C12orf54: variants seen among roughly 807,000 people sequenced by gnomAD.
The protein encoded by C12orf54 is uncharacterized protein C12orf54.
Under a neutral mutation model 26.4 loss-of-function variants are expected in C12orf54, and 24 were observed. That is an observed-to-expected ratio of 0.91 (90% CI 0.66 to 1.28). The LOEUF (loss-of-function observed/expected upper bound fraction) is 1.28, where lower values mean the gene tolerates loss of function less well. Ranked by LOEUF, C12orf54 falls within the 50% of genes most tolerant of loss-of-function variation. C12orf54 has a pLI of 0.00. For missense variants in C12orf54, 154 were observed against 150.9 expected (o/e 1.02, Z -0.11); for synonymous variants, 54 against 47.0 (o/e 1.15, Z -0.61).
At chr12:48,471,291 G>A in the C12orf54 span, among the ~76,000 whole-genome samples, 12 of 152,020 alleles carry the variant, frequency 7.9e-5, no homozygotes, top group Non-Finnish European at 1.5e-4. Context: ...TATTTTTATG[G>A]CTGACGAGTA....
chr12:48,486,015 C>T (rs907734890), intron 2 of C12orf54, among the ~76,000 whole-genome samples, 163 bp from the exon 3 acceptor site: 1 of 152,186 alleles, frequency 6.6e-6, no homozygotes, highest in Non-Finnish European at 1.5e-5. Flanking sequence ...CTCCCCACAC[C>T]TCCCATAAAG....
chr12:48,485,249 T>C (rs1277573076), intron 2 of C12orf54, among the ~76,000 whole-genome samples: 1 of 151,286 alleles, frequency 6.6e-6, no homozygotes, highest in Non-Finnish European at 1.5e-5. Context: ...GACTGGGTTT[T>C]TGATGTTGTT....
chr12:48,454,108 T>G, the C12orf54 span, among the ~76,000 whole-genome samples: 1 of 147,310 alleles, frequency 6.8e-6, no homozygotes, highest in Non-Finnish European at 1.5e-5. Context: ...TTTTTTTTTT[T>G]TTTTTTTTGA....
At chr12:48,425,367 G>T in the C12orf54 span, among the ~76,000 whole-genome samples, 3 of 151,952 alleles carry the variant, frequency 2.0e-5, no homozygotes, top group Admixed American at 2.0e-4. Context: ...TAAGGATAAT[G>T]GTCTCCAGCT....
chr12:48,429,748 A>G, the C12orf54 span, among the ~76,000 whole-genome samples: 1 of 152,210 alleles, frequency 6.6e-6, no homozygotes, highest in Non-Finnish European at 1.5e-5. Flanking sequence ...GCCAAAAGCA[A>G]TCTACAAATT....
the C12orf54 span, among the ~76,000 whole-genome samples, chr12:48,453,692 T>C: frequency 2.7e-5 from 4 of 146,980 alleles, no homozygotes; most frequent in Non-Finnish European, 4.5e-5. Context: ...CTCAAGTTTA[T>C]TTAAACCTAA....
At chr12:48,475,145 G>T in the C12orf54 span, among the ~76,000 whole-genome samples, 2 of 152,336 alleles carry the variant, frequency 1.3e-5, no homozygotes, top group South Asian at 4.1e-4. Flanking sequence ...AGGGTCTGGA[G>T]TGCACCTCTA....
chr12:48,435,653 G>A, the C12orf54 span, among the ~76,000 whole-genome samples: 2 of 152,184 alleles, frequency 1.3e-5, no homozygotes, highest in Non-Finnish European at 1.5e-5. Context: ...TTCATATCCA[G>A]CCAAAGTAAG....
chr12:48,466,317 A>G, the C12orf54 span, among the ~76,000 whole-genome samples: 2 of 152,116 alleles, frequency 1.3e-5, no homozygotes, highest in African/African-American at 4.8e-5. Context: ...GCCTACGCAA[A>G]TGGATCACCT....
At chr12:48,490,535 C>A (rs1206474869) in intron 5 of C12orf54, among the ~76,000 whole-genome samples, 1 of 152,190 alleles carries the variant, frequency 6.6e-6, no homozygotes, top group African/African-American at 2.4e-5. Flanking sequence ...CACCTGTGAT[C>A]CCAGTTCCTG....
chr12:48,479,531 A>G (rs1357399092), upstream of C12orf54, among the ~76,000 whole-genome samples: 2 of 151,710 alleles, frequency 1.3e-5, no homozygotes, highest in Non-Finnish European at 2.9e-5. Context: ...AATAAAATAT[A>G]TATTTAAAAA....
chr12:48,451,554 T>C, the C12orf54 span, among the ~76,000 whole-genome samples: 2 of 152,152 alleles, frequency 1.3e-5, no homozygotes, highest in African/African-American at 4.8e-5. Flanking sequence ...TCAAACTATC[T>C]TTGTTTGCAG....
At chr12:48,435,243 A>T in the C12orf54 span, among the ~76,000 whole-genome samples, 1 of 152,232 alleles carries the variant, frequency 6.6e-6, no homozygotes, top group Non-Finnish European at 1.5e-5. Flanking sequence ...CAAAGCCTCC[A>T]AGAAATATGG....
At chr12:48,462,499 A>G in the C12orf54 span, among the ~76,000 whole-genome samples, 1 of 151,784 alleles carries the variant, frequency 6.6e-6, no homozygotes, top group South Asian at 2.1e-4. Flanking sequence ...ATAAAATTTT[A>G]TCAAGCAAAT....
chr12:48,418,940 G>T, the C12orf54 span, among the ~76,000 whole-genome samples: 1 of 143,930 alleles, frequency 6.9e-6, no homozygotes, highest in Non-Finnish European at 1.5e-5. Flanking sequence ...AAAAAAAAAA[G>T]CCTGAATCTT....
At chr12:48,414,717 G>A in the C12orf54 span, among the ~76,000 whole-genome samples, 3 of 152,188 alleles carry the variant, frequency 2.0e-5, no homozygotes, top group African/African-American at 7.2e-5. Flanking sequence ...GGGGAAGGTA[G>A]TATTATCCAG....
At chr12:48,477,270 A>C in the C12orf54 span, among the ~76,000 whole-genome samples, 1 of 152,226 alleles carries the variant, frequency 6.6e-6, no homozygotes, top group African/African-American at 2.4e-5. Flanking sequence ...AATTTATAGC[A>C]CTAAATGCCC....
chr12:48,472,363 A>C, the C12orf54 span, among the ~76,000 whole-genome samples: 1 of 152,198 alleles, frequency 6.6e-6, no homozygotes, highest in African/African-American at 2.4e-5. Flanking sequence ...GGCGTGGCCT[A>C]GAGATGATGA....
At chr12:48,448,899 A>C in the C12orf54 span, among the ~76,000 whole-genome samples, 7 of 152,206 alleles carry the variant, frequency 4.6e-5, no homozygotes, top group African/African-American at 1.4e-4. Context: ...GGTTTTATAC[A>C]TTTTAGGGGG....
Sources: gnomAD v4.1 joint callset for allele counts (sites outside exome capture counted in the v4.1 genomes callset) on GRCh38, gnomAD v4.1.1 for gene constraint, MANE v1.5 for transcripts, NCBI Gene and HGNC (gene_info 2026-07-23, HGNC 2026-07-21) for gene names.